Variants in ZNF708 observed in about 807,000 individuals in gnomAD.
ZNF708 encodes the protein ZNF15, ZNF15L1.
Under a neutral mutation model 47.0 loss-of-function variants are expected in ZNF708, and 44 were observed. That is an observed-to-expected ratio of 0.94 (90% CI 0.74 to 1.20). The LOEUF (loss-of-function observed/expected upper bound fraction) is 1.20, where lower values mean the gene tolerates loss of function less well. Ranked by LOEUF, ZNF708 falls within the 50% of genes most tolerant of loss-of-function variation. The pLI is 0.00. For synonymous variants in ZNF708, 184 were observed against 218.5 expected (o/e 0.84, Z 1.39); for missense variants, 557 against 656.0 (o/e 0.85, Z 1.65).
intron 3 of ZNF708, chr19:21,307,056 TATAAA>T (rs1177860404): frequency 2.2e-5 from 2 of 89,818 alleles, no homozygotes; most frequent in African/African-American, 4.9e-5. Flanking sequence ...TAAAATAAAA[TATAAA>T]ATAAAATATA....
rs757008302 is a variant in ZNF708, at chr19:21,293,893, T to C, written c.1073A>G (p.His358Arg). Residue 358 changes from histidine (H) to arginine (R), a missense_variant, in exon 4 of 4, where the codon CAT (histidine) becomes CGT (arginine). Coordinates refer to ENST00000356929, the MANE Select transcript of ZNF708 (RefSeq NM_021269.3). ...ACATTTGTAGGGTTTCTCTTCAGTA[T>C]GAATTATCTTATGTTTAGTAAGGGT... ...FSTLTKHKIIHTEEKPYKCEE... is the reference protein window; with the variant it reads ...FSTLTKHKIIRTEEKPYKCEE... 6 of 1,613,420 alleles carry C rather than the reference T, an allele frequency of 3.7e-6. No individual in the cohort carries two copies. The African/African-American group carries it at 6.7e-5, about 18-fold the overall frequency.
In ZNF708 at chr19:21,293,573, T is replaced by C. The variant is rs1271494896; in HGVS notation, c.1393A>G (p.Asn465Asp). The part of the protein sequence containing the change: ...KTFNYSSNFT[N>D]HKKIHTGEKP... ...TCTCCAGTATGAATTTTTTTATGAT[T>C]AGTAAAATTTGAGGAGTAGTTAAAA... The change falls in exon 4 of 4, where the codon AAT becomes GAT. Residue 465 changes from asparagine to aspartate, a missense_variant. By Grantham distance (23) the Asn-to-Asp change is conservative. Coordinates refer to ENST00000356929, the MANE Select transcript of ZNF708 (RefSeq NM_021269.3). 6 of 1,613,036 alleles carry C rather than the reference T, an allele frequency of 3.7e-6. No homozygotes were observed. In the East Asian group the frequency reaches 1.3e-4, roughly 36 times the overall value.
At position 21,292,585 on chromosome 19, in the gene ZNF708, A is replaced by G. The variant is rs553475653; in HGVS notation, c.*689T>C. 2.6e-5 allele frequency: 4 copies of G among 152,304 alleles called. No individual in the cohort carries two copies. Among genetic ancestry groups the G allele is most frequent in the Non-Finnish European group, 4.4e-5 (3 of 68,102 alleles). 9.4% of individuals were successfully genotyped at this position (152,304 alleles called of 1,614,324 possible). Reference sequence around the variant, plus strand: ...TTTTCTCTAGTACAAAATGTGTACAATAAGATCTGTGATACAAATAAAGGT... The same window carrying G: ...TTTTCTCTAGTACAAAATGTGTACAGTAAGATCTGTGATACAAATAAAGGT... On this transcript the variant is annotated 3_prime_UTR_variant, in exon 4 of 4. Coordinates refer to ENST00000356929, the MANE Select transcript of ZNF708 (RefSeq NM_021269.3).
Position 21,300,572 on chromosome 19 carries a change from T to C in ZNF708, c.227-5833A>G, listed in dbSNP as rs560223407. On this transcript the variant is annotated intron_variant, in intron 3 of 3. Coordinates refer to ENST00000356929, the MANE Select transcript of ZNF708 (RefSeq NM_021269.3). ...CAAACAGAGATAATTATATTGGCAG[T>C]AGACATATGGCTGATTCATATTTAA... Among the ~76,000 whole-genome samples the C allele has an allele frequency of 4.0e-4, 61 of 151,596 alleles. 1 individual carries two copies. Among genetic ancestry groups the C allele is most frequent in the African/African-American group, 1.3e-3 (53 of 41,330 alleles).
At chr19:21,309,937 A>C (rs1471877360) in intron 2 of ZNF708, among the ~76,000 whole-genome samples, 1 of 152,210 alleles carries the variant, frequency 6.6e-6, no homozygotes, top group Non-Finnish European at 1.5e-5. Flanking sequence ...ATGCCACTAA[A>C]TTTCTGGAAT....
chr19:21,324,083 CA>C (rs61446529), intron 1 of ZNF708, among the ~76,000 whole-genome samples: 8 of 146,860 alleles, frequency 5.4e-5, no homozygotes, highest in Admixed American at 6.8e-5. Flanking sequence ...ACTAAAAATA[CA>C]AAAAAAAAAA....
At chr19:21,315,233 T>A (rs1282568127) in intron 1 of ZNF708, among the ~76,000 whole-genome samples, 1 of 152,146 alleles carries the variant, frequency 6.6e-6, no homozygotes, top group African/African-American at 2.4e-5. Flanking sequence ...CTGGACAAAA[T>A]CTGAAAAGCT....
At chr19:21,304,905 A>G (rs1449476018) in intron 3 of ZNF708, among the ~76,000 whole-genome samples, 1 of 152,158 alleles carries the variant, frequency 6.6e-6, no homozygotes, top group Non-Finnish European at 1.5e-5. Flanking sequence ...AGAAGACCAA[A>G]AGTATACACT....
rs983035445 is a variant in ZNF708 at position 21,292,558 on chromosome 19, G to C, written c.*716C>G. On this transcript the variant is annotated 3_prime_UTR_variant, in exon 4 of 4. Transcript: ENST00000356929. ...AACAAAGTTTAAGTAACTGCTTCAG[G>C]GTTTTCTCTAGTACAAAATGTGTAC... 1 of 151,916 alleles carries C rather than the reference G, an allele frequency of 6.6e-6. No homozygotes were observed. Among genetic ancestry groups the C allele is most frequent in the African/African-American group, 2.4e-5 (1 of 41,350 alleles). The allele number at this position is 151,916 out of a possible 1,614,324, so 9.4% of individuals were successfully genotyped here.
rs1009842312 is a variant in ZNF708, at chr19:21,321,229, T to C, written c.3+7981A>G. Reference sequence around the variant, plus strand: ...TCATTTATAAGTAAGAGTTAAATAATAAGAACACATGGACACAAAGTGGGG... The same window carrying C: ...TCATTTATAAGTAAGAGTTAAATAACAAGAACACATGGACACAAAGTGGGG... On this transcript the variant is annotated intron_variant, in intron 1 of 3. Transcript: ENST00000356929. Among the ~76,000 whole-genome samples, 4 of 151,904 alleles carry C rather than the reference T, an allele frequency of 2.6e-5. No individual in the cohort carries two copies. In the South Asian group the frequency reaches 6.2e-4, roughly 24 times the overall value.
Position 21,293,631 on chromosome 19 carries a change from G to A in ZNF708, c.1335C>T (p.Asp445=), listed in dbSNP as rs767885213. Residue 445 remains aspartate (D), a synonymous_variant, in exon 4 of 4, where the codon GAC becomes GAT. Transcript: ENST00000356929. ...CACATTCTTCACATTTGTAGGGTTTGTCTTCAGTATGAATTACTTTATGTT... is the reference window on the plus strand; with the variant it reads ...CACATTCTTCACATTTGTAGGGTTTATCTTCAGTATGAATTACTTTATGTT... ...LTKHKVIHTE[D]KPYKCEECGK... 1.1e-5 allele frequency: 18 copies of A among 1,609,020 alleles called. No individual in the cohort carries two copies. The South Asian group carries it at 1.5e-4, about 14-fold the overall frequency.
At chr19:21,316,679 G>C (rs1465124231) in intron 1 of ZNF708, among the ~76,000 whole-genome samples, 1 of 152,156 alleles carries the variant, frequency 6.6e-6, no homozygotes, top group Non-Finnish European at 1.5e-5. Context: ...CTGAGGCTGG[G>C]CACGGTGGCT....
chr19:21,327,656 G>A (rs1381003370), intron 1 of ZNF708, among the ~76,000 whole-genome samples: 1 of 151,966 alleles, frequency 6.6e-6, no homozygotes, highest in Non-Finnish European at 1.5e-5. Context: ...TGCCCCAGGT[G>A]CATTTTACTT....
chr19:21,316,118 TTTC>T (rs1437730172), intron 1 of ZNF708, among the ~76,000 whole-genome samples: 10 of 135,712 alleles, frequency 7.4e-5, no homozygotes, highest in African/African-American at 1.6e-4. Context: ...TTTCTTTTCT[TTTC>T]TTTTCTTTTT....
chr19:21,310,970 G>A (rs1003529189), intron 1 of ZNF708, among the ~76,000 whole-genome samples: 5 of 152,154 alleles, frequency 3.3e-5, no homozygotes, highest in Non-Finnish European at 7.4e-5. Flanking sequence ...GAAAAGACAT[G>A]TTGAGTTAGA....
At chr19:21,328,041 C>A in intron 1 of ZNF708, 1 of 987,652 alleles carries the variant, frequency 1.0e-6, no homozygotes, top group Non-Finnish European at 1.2e-6. Context: ...TGATGTGTAT[C>A]TTGGTTTACT....
intron 3 of ZNF708, among the ~76,000 whole-genome samples, chr19:21,301,719 C>T (rs1046344726): frequency 6.6e-6 from 1 of 152,094 alleles, no homozygotes; most frequent in Non-Finnish European, 1.5e-5. Flanking sequence ...ATCACTTGAA[C>T]TCGGGAGGTG....
Position 21,296,490 on chromosome 19 carries a change from G to A in ZNF708, c.227-1751C>T, listed in dbSNP as rs573074255. Among the ~76,000 whole-genome samples the A allele has an allele frequency of 8.0e-4, 122 of 151,980 alleles. 2 individuals are homozygous for A. In the South Asian group the frequency reaches 0.02, roughly 25 times the overall value. On this transcript the variant is annotated intron_variant, in intron 3 of 3. Transcript: ENST00000356929. ...GCACTCAAGCTTGGGCAACAAGAGC[G>A]AAACTCCTTCTCAAAATAAATAAAT... is the stretch of plus-strand genomic sequence containing the variant.
intron 3 of ZNF708, among the ~76,000 whole-genome samples, chr19:21,299,081 T>C (rs1568346349): frequency 6.6e-6 from 1 of 152,180 alleles, no homozygotes; most frequent in African/African-American, 2.4e-5. Flanking sequence ...GATTTAGCTT[T>C]ACGGCCAGGC....
Sources: gnomAD v4.1 joint callset for allele counts (sites outside exome capture counted in the v4.1 genomes callset) on GRCh38, gnomAD v4.1.1 for gene constraint, MANE v1.5 for transcripts, NCBI Gene and HGNC (gene_info 2026-07-23, HGNC 2026-07-21) for gene names.